COMMD7: variants seen among roughly 807,000 people sequenced by gnomAD.
The protein encoded by COMMD7 is COMM domain containing 7.
COMMD7 carries 28 observed loss-of-function variants against 34.8 expected under a neutral mutation model. That is an observed-to-expected ratio of 0.80 (90% CI 0.60 to 1.10). The LOEUF is 1.10. Among genes scored for constraint, COMMD7 ranks in the 50% least tolerant of loss-of-function variants. The pLI is 0.00. For synonymous variants in COMMD7, 80 were observed against 86.4 expected, an observed-to-expected ratio of 0.93 and a Z score of 0.41; for missense variants, 211 against 241.6, an observed-to-expected ratio of 0.87 and a Z score of 0.84.
intron 5 of COMMD7, among the ~76,000 whole-genome samples, chr20:32,706,209 A>C (rs1458326007): frequency 6.6e-6 from 1 of 151,774 alleles, no homozygotes; most frequent in Admixed American, 6.6e-5. Flanking sequence ...AAAAAAAAAA[A>C]AAAAGAAAGA....
chr20:32,726,950 C>G (rs2064934), intron 3 of COMMD7, among the ~76,000 whole-genome samples: 105,032 of 151,904 alleles, frequency 0.69, 37,006 homozygotes, highest in Middle Eastern at 0.83. Flanking sequence ...TTGAACTGAA[C>G]CTGGGCATGG....
intron 3 of COMMD7, among the ~76,000 whole-genome samples, chr20:32,726,856 C>T (rs749927363): frequency 9.2e-5 from 14 of 152,126 alleles, no homozygotes; most frequent in Non-Finnish European, 1.5e-4. Context: ...GAGCACAATA[C>T]AGGGCAAAGG....
At chr20:32,704,361 AT>A in intron 7 of COMMD7, 78 bp downstream of exon 7, 11 of 1,300,630 alleles carry the variant, frequency 8.5e-6, no homozygotes, top group Non-Finnish European at 1.2e-5. Flanking sequence ...CCATTTAAAT[AT>A]CCATTTAACC....
chr20:32,731,130 G>A (rs958013141), intron 1 of COMMD7, among the ~76,000 whole-genome samples: 1 of 152,048 alleles, frequency 6.6e-6, no homozygotes, highest in Admixed American at 6.6e-5. Flanking sequence ...CCAGGAGTTC[G>A]AGACCAGCTT....
rs34239373 is a variant in COMMD7, at chr20:32,727,216, G to A, written c.241+677C>T. Among the ~76,000 whole-genome samples the A allele has an allele frequency of 1.4e-3, 208 of 149,632 alleles. 2 individuals are homozygous for A. Among genetic ancestry groups the A allele is most frequent in the Non-Finnish European group, 3.7e-4 (25 of 67,510 alleles). ...TATTCCAGCTTGGGCAACAGAGCAA[G>A]ACCCTGTCAAAAAAAAAAAAATGCT... On this transcript the variant is annotated intron_variant, in intron 3 of 8. Transcript: ENST00000278980.
intron 3 of COMMD7, among the ~76,000 whole-genome samples, chr20:32,721,862 G>A (rs892631374): frequency 2.7e-5 from 4 of 150,070 alleles, no homozygotes; most frequent in African/African-American, 4.9e-5. Flanking sequence ...ATGCTACTGC[G>A]CTCCAGCCTG....
At chr20:32,716,777 T>G (rs1187365682) in intron 3 of COMMD7, among the ~76,000 whole-genome samples, 1 of 151,502 alleles carries the variant, frequency 6.6e-6, no homozygotes, top group African/African-American at 2.4e-5. Context: ...AAAACTAAAC[T>G]AAACTAAAGT....
At chr20:32,711,379 G>A (rs1462027303) in intron 3 of COMMD7, among the ~76,000 whole-genome samples, 3 of 148,806 alleles carry the variant, frequency 2.0e-5, no homozygotes, top group South Asian at 2.1e-4. Context: ...CCTGGACGAC[G>A]GAGTGAGACT....
intron 3 of COMMD7, among the ~76,000 whole-genome samples, chr20:32,713,652 C>T (rs898881771): frequency 6.6e-6 from 1 of 152,178 alleles, no homozygotes; most frequent in Non-Finnish European, 1.5e-5. Flanking sequence ...AACAGAGGTC[C>T]GTAGTCACAC....
In COMMD7 at chr20:32,724,180, G is replaced by C. The variant is rs1387795530; in HGVS notation, c.241+3713C>G. 8.9e-5 allele frequency among the ~76,000 whole-genome samples: 2 copies of C among 22,586 alleles called. 1 individual carries two copies. The highest frequency in any genetic ancestry group is 4.8e-4 in the Admixed American group (2 of 4,124). The allele number at this position is 22,586 out of a possible 152,430, so 14.8% of individuals were successfully genotyped here. A position where few individuals can be genotyped will look rare whatever the true frequency, so the allele number is the denominator to read the frequency against. The stretch of plus-strand genomic sequence containing the variant: ...CCCCGCCCGGCCAGCCGCCCGGTCC[G>C]GGAGGTGAGGGGCGCCTCTGCCCGG... On this transcript the variant is annotated intron_variant, in intron 3 of 8. Coordinates refer to ENST00000278980, the MANE Select transcript of COMMD7 (RefSeq NM_053041.3).
intron 1 of COMMD7, among the ~76,000 whole-genome samples, chr20:32,730,990 C>T (rs1985802931): frequency 1.3e-5 from 2 of 152,292 alleles, no homozygotes; most frequent in African/African-American, 2.4e-5. Context: ...AAACTCTACA[C>T]ATCTGTCAGG....
At chr20:32,720,338 T>C (rs1027369507) in intron 3 of COMMD7, among the ~76,000 whole-genome samples, 2 of 151,840 alleles carry the variant, frequency 1.3e-5, no homozygotes. Flanking sequence ...GTACTAAAAA[T>C]ACAAAAATTA....
intron 1 of COMMD7, among the ~76,000 whole-genome samples, chr20:32,737,413 C>G (rs985492709): frequency 1.4e-5 from 2 of 144,616 alleles, no homozygotes; most frequent in Non-Finnish European, 3.0e-5. Context: ...TGCCTATAGT[C>G]CCAGCTACTA....
chr20:32,725,356 C>G (rs564238404), intron 3 of COMMD7, among the ~76,000 whole-genome samples: 1 of 151,810 alleles, frequency 6.6e-6, no homozygotes, highest in East Asian at 1.9e-4. Flanking sequence ...TTGTGATTAT[C>G]TCTAGGGACA....
At chr20:32,707,151 G>A (rs1984135871) in intron 3 of COMMD7, among the ~76,000 whole-genome samples, 1 of 148,134 alleles carries the variant, frequency 6.8e-6, no homozygotes, top group African/African-American at 2.5e-5. Flanking sequence ...AGGCATGGTG[G>A]CAGGCACCTA....
rs1172989628 is a variant in COMMD7 at position 32,704,891 on chromosome 20, G to A, written c.350C>T (p.Ala117Val). The change falls in exon 6 of 9, where the codon GCT (alanine) becomes GTT (valine). Residue 117 changes from alanine (A) to valine (V), a missense_variant. Coordinates refer to ENST00000278980, the MANE Select transcript of COMMD7 (RefSeq NM_053041.3). ...TATGGCCCATCGAGCAAGGGTGGGA[G>A]CATTCTGCTTCCACTGGAACAAAAG... ...TYFSEKWKQNAPTLARWAIGQ... is the reference protein window; with the variant it reads ...TYFSEKWKQNVPTLARWAIGQ... 4 of 1,613,584 alleles carry A rather than the reference G, an allele frequency of 2.5e-6. No individual in the cohort carries two copies. The highest frequency in any genetic ancestry group is 3.4e-6 in the Non-Finnish European group (4 of 1,179,572).
intron 1 of COMMD7, among the ~76,000 whole-genome samples, chr20:32,728,429 GACAC>G (rs1349997908): frequency 7.9e-6 from 1 of 126,578 alleles, no homozygotes; most frequent in African/African-American, 3.0e-5. Context: ...CTAGGACACA[GACAC>G]ACACAGACAG....
At chr20:32,728,451 CA>C (rs1985649472) in intron 1 of COMMD7, among the ~76,000 whole-genome samples, 1 of 15,960 alleles carries the variant, frequency 6.3e-5, no homozygotes, top group African/African-American at 1.9e-4. Flanking sequence ...CAGACATACA[CA>C]CACACACACA....
chr20:32,716,539 C>T (rs1265302955), intron 3 of COMMD7, among the ~76,000 whole-genome samples: 7 of 152,132 alleles, frequency 4.6e-5, no homozygotes, highest in South Asian at 4.1e-4. Context: ...GGCGTGAACC[C>T]GGGAGGCGGA....
Sources: gnomAD v4.1 joint callset for allele counts (sites outside exome capture counted in the v4.1 genomes callset) on GRCh38, gnomAD v4.1.1 for gene constraint, MANE v1.5 for transcripts, NCBI Gene and HGNC (gene_info 2026-07-23, HGNC 2026-07-21) for gene names.